CUX1: variants seen among roughly 807,000 people sequenced by gnomAD.
CUX1 encodes protein CASP.
CUX1 carries 31 observed loss-of-function variants against 158.8 expected under a neutral mutation model. That is an observed-to-expected ratio of 0.20 (90% confidence interval 0.15 to 0.26). The LOEUF (loss-of-function observed/expected upper bound fraction) is 0.26. Among genes scored for constraint, CUX1 ranks in the 10% least tolerant of loss-of-function variants. The pLI is 1.00. For missense variants in CUX1, 1,589 were observed against 2,014.6 expected (o/e 0.79, Z 4.04); for synonymous variants, 879 against 862.1 (o/e 1.02, Z -0.34).
chr7:102,268,198 CTG>C (rs1382458639), intron 14 of CUX1, among the ~76,000 whole-genome samples: 2 of 152,172 alleles, frequency 1.3e-5, no homozygotes, highest in Non-Finnish European at 2.9e-5. Flanking sequence ...TAAACAAAAT[CTG>C]TCCCTCTCTC....
At position 102,282,861 on chromosome 7, in the gene CUX1, C is replaced by G. The variant is rs115862304; in HGVS notation, c.1967+85C>G. The G allele has an allele frequency of 1.7e-3, 1,559 of 922,136 alleles. 10 individuals carry two copies. The African/African-American group carries it at 0.024, about 14-fold the overall frequency. 57.1% of individuals were successfully genotyped at this position (922,136 alleles called of 1,614,324 possible). ...ACACCCCCGAGTTCCTGCCTCATGT[C>G]CCCCACTCCTTAGCCCTCCATCACA... On this transcript the variant is annotated intron_variant, in intron 22 of 22. Coordinates refer to the CUX1 transcript ENST00000292538.
intron 8 of CUX1, among the ~76,000 whole-genome samples, chr7:102,133,549 C>T (rs1294406901): frequency 1.5e-5 from 2 of 132,570 alleles, no homozygotes; most frequent in Non-Finnish European, 3.1e-5. Context: ...AATTGTGGCT[C>T]TCTGCAACCT....
intron 8 of CUX1, among the ~76,000 whole-genome samples, chr7:102,140,387 A>T (rs1454499836): frequency 1.3e-5 from 2 of 152,148 alleles, no homozygotes; most frequent in Admixed American, 1.3e-4. Context: ...CTGGAACTAC[A>T]GGTGCACACC....
intron 10 of CUX1, among the ~76,000 whole-genome samples, chr7:102,175,631 G>GC (rs1280111450): frequency 6.6e-5 from 10 of 152,004 alleles, no homozygotes; most frequent in African/African-American, 2.4e-4. Context: ...CTGAGATGGA[G>GC]CCCCCTTTCC....
At chr7:101,955,597 C>CTCTCCTA (rs1311402798) in intron 2 of CUX1, among the ~76,000 whole-genome samples, 4 of 152,208 alleles carry the variant, frequency 2.6e-5, no homozygotes, top group African/African-American at 9.6e-5. Flanking sequence ...GCTGGGGCCC[C>CTCTCCTA]TCTCCTAATT....
chr7:101,883,630 C>T (rs72603509), intron 1 of CUX1, among the ~76,000 whole-genome samples: 24,392 of 150,344 alleles, frequency 0.16, 3,682 homozygotes, highest in East Asian at 0.8. Context: ...CTGTTTTTTG[C>T]GATGGAGTTT....
chr7:102,027,787 A>C (rs1027161938), intron 2 of CUX1, among the ~76,000 whole-genome samples: 2 of 152,216 alleles, frequency 1.3e-5, no homozygotes, highest in Non-Finnish European at 2.9e-5. Context: ...ACTCTAGCCC[A>C]GGAGGCAGAG....
intron 3 of CUX1, among the ~76,000 whole-genome samples, chr7:102,044,580 G>C (rs185784428): frequency 6.6e-6 from 1 of 151,988 alleles, no homozygotes; most frequent in Non-Finnish European, 1.5e-5. Flanking sequence ...GATTGTACAT[G>C]CTTTGAGGGC....
chr7:102,187,506 C>G (rs1210129203), intron 11 of CUX1, among the ~76,000 whole-genome samples: 1 of 152,094 alleles, frequency 6.6e-6, no homozygotes, highest in Non-Finnish European at 1.5e-5. Flanking sequence ...GTGACAGACT[C>G]GAGTTCCAGG....
rs782760081 is a variant in CUX1 at position 102,114,001 on chromosome 7, G to A, written c.608-1206G>A. The stretch of plus-strand genomic sequence containing the variant: ...AGGAGCCTCTTGGGAGGCCAGCTGG[G>A]TGGCATTTATGTAAAGCTCCAGTGC... On this transcript the variant is annotated intron_variant, in intron 7 of 23. Coordinates refer to ENST00000292535, the MANE Select transcript of CUX1 (RefSeq NM_181552.4). Among the ~76,000 whole-genome samples, 87 of 152,166 alleles carry A rather than the reference G, an allele frequency of 5.7e-4. 2 individuals carry two copies. The highest frequency in any genetic ancestry group is 1.9e-4 in the Non-Finnish European group (13 of 68,032).
rs1015018566 is a variant in CUX1 at position 102,253,270 on chromosome 7, C to T, written c.*4228C>T. ...ACCGCCCAAGCCCAGGTGGCCAGCT[C>T]TCATACCCCATCTCCCTCCTTGGCC... On this transcript the variant is annotated 3_prime_UTR_variant, in exon 24 of 24. Coordinates refer to ENST00000292535, the MANE Select transcript of CUX1 (RefSeq NM_181552.4). The T allele has an allele frequency of 1.0e-6, 1 of 985,602 alleles. No individual in the cohort carries two copies. The highest frequency in any genetic ancestry group is 4.7e-5 in the South Asian group (1 of 21,290). 61.1% of individuals were successfully genotyped at this position (985,602 alleles called of 1,614,324 possible).
intron 1 of CUX1, among the ~76,000 whole-genome samples, chr7:101,906,870 C>T (rs1802816798): frequency 6.6e-6 from 1 of 152,116 alleles, no homozygotes; most frequent in Admixed American, 6.5e-5. Context: ...CTCTCCCTCC[C>T]ACTGTCCCAT....
Position 101,916,333 on chromosome 7 carries a change from G to A in CUX1, c.141+108G>A, listed in dbSNP as rs564610221. The A allele has an allele frequency of 3.9e-5, 28 of 713,550 alleles. No homozygotes were observed. The highest frequency in any genetic ancestry group is 2.4e-4 in the South Asian group (16 of 66,496). The allele number at this position is 713,550 out of a possible 1,614,324, so 44.2% of individuals were successfully genotyped here. Reference sequence around the variant, plus strand: ...ATTTTCATCAGATGAACGCACGGCCGGCAAACAACCCGTTTCTTTCCCCAG... The same window carrying A: ...ATTTTCATCAGATGAACGCACGGCCAGCAAACAACCCGTTTCTTTCCCCAG... On this transcript the variant is annotated intron_variant, in intron 2 of 23. Coordinates refer to ENST00000292535, the MANE Select transcript of CUX1 (RefSeq NM_181552.4). The surrounding 1 kb of genome is among the most constrained non-coding windows in gnomAD (Gnocchi z 4.4).
At chr7:101,997,324 GT>G (rs1417199179) in intron 2 of CUX1, among the ~76,000 whole-genome samples, 1 of 152,124 alleles carries the variant, frequency 6.6e-6, no homozygotes, top group African/African-American at 2.4e-5. Context: ...CTTTTGGTTT[GT>G]TTTTTTGTTT....
intron 2 of CUX1, among the ~76,000 whole-genome samples, chr7:101,989,900 C>T (rs1035745984): frequency 2.0e-5 from 3 of 152,234 alleles, no homozygotes; most frequent in Non-Finnish European, 2.9e-5. Context: ...CGTACACGCT[C>T]GGTGTGGGCA....
intron 8 of CUX1, among the ~76,000 whole-genome samples, chr7:102,158,235 A>T (rs7801259): frequency 0.33 from 49,570 of 151,848 alleles, 8,344 homozygotes; most frequent in Middle Eastern, 0.37. Context: ...TCTTTTTTTC[A>T]GAGCACTCTG....
intron 4 of CUX1, among the ~76,000 whole-genome samples, chr7:102,085,086 A>T: frequency 6.6e-6 from 1 of 150,892 alleles, no homozygotes; most frequent in African/African-American, 2.4e-5. Flanking sequence ...ATGGTATTGA[A>T]TTTTCTCATA....
chr7:102,079,556 A>G (rs382270), intron 4 of CUX1, among the ~76,000 whole-genome samples: 77,545 of 152,020 alleles, frequency 0.51, 23,899 homozygotes, highest in African/African-American at 0.87. Flanking sequence ...AAATGTGGCC[A>G]TTGCAGCCTG....
At chr7:101,890,190 G>A (rs952720051) in intron 1 of CUX1, among the ~76,000 whole-genome samples, 2 of 152,192 alleles carry the variant, frequency 1.3e-5, no homozygotes, top group Admixed American at 6.6e-5. Context: ...GGCAGATGGG[G>A]TTGACGGGGA....
Sources: gnomAD v4.1 joint callset for allele counts (sites outside exome capture counted in the v4.1 genomes callset) on GRCh38, gnomAD v4.1.1 for gene constraint, Gnocchi (gnomAD v3.1) non-coding constraint, MANE v1.5 for transcripts, NCBI Gene and HGNC (gene_info 2026-07-23, HGNC 2026-07-21) for gene names.